The following RASA3 variants were observed in gnomAD, a reference collection of about 807,000 sequenced individuals.
RASA3 encodes ras GTPase-activating protein 3.
A neutral mutation model predicts 110.0 loss-of-function variants in RASA3; 73 were observed. The ratio of observed to expected loss-of-function variants is 0.66; its 90% CI spans 0.55 to 0.81. RASA3 has a LOEUF of 0.81. Ranked by LOEUF, RASA3 falls within the 30% of genes least tolerant of loss-of-function variation. RASA3 has a pLI of 0.00. For synonymous variants in RASA3, 500 were observed against 451.4 expected, an observed-to-expected ratio of 1.11 and a Z score of -1.37; for missense variants, 976 against 1,113.2, an observed-to-expected ratio of 0.88 and a Z score of 1.75.
At chr13:114,045,046 C>T (rs1036151978) in intron 3 of RASA3, among the ~76,000 whole-genome samples, 1 of 152,208 alleles carries the variant, frequency 6.6e-6, no homozygotes, top group African/African-American at 2.4e-5. Context: ...CTGCCCCTGC[C>T]ACCTCATTCC....
rs541193412 is a variant in RASA3 at position 113,979,885 on chromosome 13, A to G, written c.2430-463T>C. Among the ~76,000 whole-genome samples the G allele has an allele frequency of 8.3e-4, 124 of 148,918 alleles. 2 individuals carry two copies. The highest frequency in any genetic ancestry group is 7.5e-3 in the Middle Eastern group (2 of 268). ...TGTGCACCTCCTGCCATGTGTGTCC[A>G]CTACCTCCATGTGTGTGCACCTCCT... On this transcript the variant is annotated intron_variant, in intron 23 of 23. Coordinates refer to ENST00000334062, the MANE Select transcript of RASA3 (RefSeq NM_007368.4).
chr13:114,031,191 CTA>C (rs1421519846), intron 4 of RASA3, among the ~76,000 whole-genome samples: 1 of 150,020 alleles, frequency 6.7e-6, no homozygotes, highest in East Asian at 2.0e-4. Flanking sequence ...GTGCATGTGG[CTA>C]TGTGTCTGTG....
At chr13:114,023,227 AGGGACATCCCAGGCTCG>A (rs536486267) in intron 8 of RASA3, among the ~76,000 whole-genome samples, 20,390 of 151,932 alleles carry the variant, frequency 0.13, 1,738 homozygotes, top group Middle Eastern at 0.21. Flanking sequence ...TCCCAGGCTC[AGGGACATCCCAGGCTCG>A]GGGACATCCC....
At chr13:114,021,137 C>T (rs2053919962) in intron 9 of RASA3, among the ~76,000 whole-genome samples, 1 of 152,032 alleles carries the variant, frequency 6.6e-6, no homozygotes, top group African/African-American at 2.4e-5. Flanking sequence ...ACCCACGTTC[C>T]CTGTCTTGTT....
At chr13:114,042,532 G>A (rs986030764) in intron 3 of RASA3, among the ~76,000 whole-genome samples, 7 of 152,208 alleles carry the variant, frequency 4.6e-5, no homozygotes, top group African/African-American at 1.7e-4. Flanking sequence ...GAGAAACTCT[G>A]GGTCCCCGCA....
At chr13:114,079,966 C>A (rs934349727) in intron 1 of RASA3, among the ~76,000 whole-genome samples, 2 of 152,232 alleles carry the variant, frequency 1.3e-5, no homozygotes, top group African/African-American at 4.8e-5. Context: ...CACAGCATGA[C>A]CCTGACCCCC....
rs1378435226 is a variant in RASA3, at chr13:113,981,716, C to CTGGGCG, written c.2382_2387dup (p.His794_Ala795dup). The CTGGGCG allele has an allele frequency of 1.9e-6, 3 of 1,613,962 alleles. No individual in the cohort carries two copies. Among genetic ancestry groups the CTGGGCG allele is most frequent in the African/African-American group, 1.3e-5 (1 of 74,934 alleles). ...TCTTCTTGAACTTGTCCCTCTTATA[C>CTGGGCG]TGGGCGTGCTCCTGCTCCAAAGCCC... On this transcript the variant is annotated inframe_insertion, in exon 23 of 24. Coordinates refer to ENST00000334062, the MANE Select transcript of RASA3 (RefSeq NM_007368.4).
At chr13:113,994,627 C>T (rs552024850) in intron 21 of RASA3, among the ~76,000 whole-genome samples, 3 of 152,176 alleles carry the variant, frequency 2.0e-5, no homozygotes, top group African/African-American at 7.2e-5. Flanking sequence ...CATGGAGAGA[C>T]CCTCACAGTG....
chr13:114,093,422 T>G (rs67867915), intron 1 of RASA3, among the ~76,000 whole-genome samples: 43,411 of 152,232 alleles, frequency 0.29, 7,199 homozygotes, highest in Non-Finnish European at 0.38. Context: ...TGCTGAGAAG[T>G]TGCTGCTAGG....
chr13:114,027,337 C>T (rs758194434), intron 7 of RASA3, 52 bp downstream of exon 7: 38 of 1,402,306 alleles, frequency 2.7e-5, no homozygotes, highest in South Asian at 1.6e-4. Context: ...TTTCTGCCAA[C>T]GTGTCTCGGG....
intron 1 of RASA3, among the ~76,000 whole-genome samples, chr13:114,123,076 C>T (rs1361746222): frequency 6.6e-6 from 1 of 152,216 alleles, no homozygotes; most frequent in Non-Finnish European, 1.5e-5. Context: ...GGCATGGAGA[C>T]GCTCCTGCTG....
chr13:114,019,061 A>C, intron 9 of RASA3, 142 bp from the exon 10 acceptor site: 1 of 1,074,784 alleles, frequency 9.3e-7, no homozygotes. Context: ...GCCCCTGGGG[A>C]CTCCCCACCG....
intron 2 of RASA3, among the ~76,000 whole-genome samples, chr13:114,070,528 G>A (rs1040408011): frequency 1.3e-5 from 2 of 152,188 alleles, no homozygotes; most frequent in Admixed American, 6.5e-5. Context: ...GTTGATTTGC[G>A]TTTTGCCCTC....
intron 4 of RASA3, among the ~76,000 whole-genome samples, chr13:114,040,785 C>G (rs569588181): frequency 2.0e-5 from 3 of 150,622 alleles, no homozygotes; most frequent in East Asian, 2.0e-4. Flanking sequence ...GCGCTCACTC[C>G]GAGCACAAGC....
intron 1 of RASA3, among the ~76,000 whole-genome samples, chr13:114,104,405 G>C (rs2080106195): frequency 6.6e-6 from 1 of 151,214 alleles, no homozygotes; most frequent in African/African-American, 2.4e-5. Context: ...GATGCGGCCT[G>C]AGATGCCACC....
intron 1 of RASA3, among the ~76,000 whole-genome samples, chr13:114,122,613 G>C (rs961833840): frequency 6.6e-6 from 1 of 152,232 alleles, no homozygotes; most frequent in African/African-American, 2.4e-5. Context: ...ACCTGGGCCC[G>C]GGGGTGCAGG....
At chr13:113,979,597 A>ATG (rs2052860184) in intron 23 of RASA3, among the ~76,000 whole-genome samples, 175 bp from the exon 24 acceptor site, 1 of 152,218 alleles carries the variant, frequency 6.6e-6, no homozygotes, top group Non-Finnish European at 1.5e-5. Context: ...GGTGACTCTG[A>ATG]TGTGTGTGCA....
At chr13:114,073,689 C>T (rs954491630) in intron 2 of RASA3, 31 bp downstream of exon 2, 7 of 1,534,794 alleles carry the variant, frequency 4.6e-6, no homozygotes, top group East Asian at 4.5e-5. Context: ...GAAAACACAT[C>T]AGTGCCAAGT....
At chr13:114,130,092 G>A (rs2080497765) in intron 1 of RASA3, among the ~76,000 whole-genome samples, 1 of 152,170 alleles carries the variant, frequency 6.6e-6, no homozygotes, top group Admixed American at 6.5e-5. Context: ...GGAGCCCCGG[G>A]GTATCAGGCC....
Sources: gnomAD v4.1 joint callset for allele counts (sites outside exome capture counted in the v4.1 genomes callset) on GRCh38, gnomAD v4.1.1 for gene constraint, MANE v1.5 for transcripts, NCBI Gene and HGNC (gene_info 2026-07-23, HGNC 2026-07-21) for gene names.